The following KCNT2 variants were observed in gnomAD, a reference collection of about 807,000 sequenced individuals.
KCNT2 encodes the protein potassium sodium-activated channel subfamily T member 2.
In KCNT2, 67 loss-of-function variants were observed where a neutral mutation model predicts 153.8. That is an observed-to-expected ratio of 0.44 (90% CI 0.36 to 0.53). The LOEUF is 0.53. Ranked by LOEUF, KCNT2 falls within the 20% of genes least tolerant of loss-of-function variation. The probability of loss-of-function intolerance (pLI) is 0.00; values close to 1 mark genes in which losing one functional copy is unlikely to be tolerated. For missense variants in KCNT2, 975 were observed against 1,354.8 expected (o/e 0.72, Z 4.40); for synonymous variants, 500 against 458.8 (o/e 1.09, Z -1.15).
At chr1:196,303,741 T>A (rs1179529682) in intron 22 of KCNT2, among the ~76,000 whole-genome samples, 1 of 152,126 alleles carries the variant, frequency 6.6e-6, no homozygotes, top group Non-Finnish European at 1.5e-5. Flanking sequence ...ACGAAATAAT[T>A]TATCCAGTTT....
At chr1:196,385,772 A>AAATATAT (rs747480460) in intron 13 of KCNT2, among the ~76,000 whole-genome samples, 10 of 148,530 alleles carry the variant, frequency 6.7e-5, no homozygotes, top group South Asian at 4.2e-4. Flanking sequence ...GCATTAAAAA[A>AAATATAT]ATATATATAT....
intron 8 of KCNT2, among the ~76,000 whole-genome samples, chr1:196,437,284 T>A (rs960712743): frequency 4.5e-4 from 35 of 78,126 alleles, no homozygotes; most frequent in African/African-American, 1.1e-3. Context: ...ATATATAAAA[T>A]ATATATAATA....
chr1:196,351,982 G>T (rs1666747234), intron 14 of KCNT2, among the ~76,000 whole-genome samples: 1 of 151,940 alleles, frequency 6.6e-6, no homozygotes, highest in Admixed American at 6.6e-5. Context: ...TTTGTCTTTG[G>T]TTCTGTTTAT....
intron 14 of KCNT2, among the ~76,000 whole-genome samples, chr1:196,352,539 A>T (rs542021673): frequency 1.3e-5 from 2 of 152,148 alleles, no homozygotes; most frequent in South Asian, 4.2e-4. Flanking sequence ...TTTCTGTGGG[A>T]TCAGTGGTGA....
At chr1:196,580,287 A>G (rs1411000530) in intron 1 of KCNT2, among the ~76,000 whole-genome samples, 1 of 152,182 alleles carries the variant, frequency 6.6e-6, no homozygotes, top group Non-Finnish European at 1.5e-5. Flanking sequence ...GTGATAAACA[A>G]TCCCACAGAA....
chr1:196,356,451 A>G (rs1480844167), intron 14 of KCNT2, among the ~76,000 whole-genome samples: 2 of 151,818 alleles, frequency 1.3e-5, no homozygotes, highest in East Asian at 1.9e-4. Flanking sequence ...TGACCAAACC[A>G]TAATAATGTT....
chr1:196,423,380 A>G (rs1050251026), intron 11 of KCNT2, among the ~76,000 whole-genome samples: 9 of 151,866 alleles, frequency 5.9e-5, no homozygotes, highest in African/African-American at 2.2e-4. Flanking sequence ...TCTTTGTATG[A>G]TTAAATATAT....
At chr1:196,546,175 G>A (rs1329997124) in intron 1 of KCNT2, among the ~76,000 whole-genome samples, 1 of 151,916 alleles carries the variant, frequency 6.6e-6, no homozygotes, top group Non-Finnish European at 1.5e-5. Context: ...CCTCAACAAC[G>A]TTTGTCTATT....
chr1:196,508,189 C>CAAAAAAAAAAAAAAAAAAAAAAAGAAAA (rs1681305658), intron 1 of KCNT2, among the ~76,000 whole-genome samples: 2 of 59,984 alleles, frequency 3.3e-5, no homozygotes, highest in African/African-American at 6.9e-5. Flanking sequence ...CCCTAAGTAG[C>CAAAAAAAAAAAAAAAAAAAAAAAGAAAA]AAAAAAAAAA....
chr1:196,431,495 C>A (rs1026135438), intron 8 of KCNT2, among the ~76,000 whole-genome samples: 17 of 151,990 alleles, frequency 1.1e-4, no homozygotes, highest in Non-Finnish European at 2.1e-4. Context: ...GAAATACCGA[C>A]GGTAACGGCC....
intron 26 of KCNT2, among the ~76,000 whole-genome samples, chr1:196,243,226 C>A (rs1655115567): frequency 6.6e-6 from 1 of 152,138 alleles, no homozygotes; most frequent in African/African-American, 2.4e-5. Flanking sequence ...GCCACTCTAG[C>A]TTTCTTCTTT....
intron 1 of KCNT2, among the ~76,000 whole-genome samples, chr1:196,578,368 G>A (rs1451636449): frequency 1.3e-5 from 2 of 152,200 alleles, no homozygotes; most frequent in African/African-American, 4.8e-5. Context: ...AGCCTTGAAC[G>A]CGGAGAAAGG....
At chr1:196,511,694 T>C (rs967095639) in intron 1 of KCNT2, among the ~76,000 whole-genome samples, 2 of 152,194 alleles carry the variant, frequency 1.3e-5, no homozygotes, top group African/African-American at 4.8e-5. Flanking sequence ...GTCTGGTTAC[T>C]CACTGTGTCC....
chr1:196,408,993 C>A (rs545810500), intron 12 of KCNT2, among the ~76,000 whole-genome samples: 62 of 150,984 alleles, frequency 4.1e-4, no homozygotes, highest in Admixed American at 2.6e-3. Flanking sequence ...GCTTTTTACT[C>A]CTCCTTTCAG....
Position 196,273,496 on chromosome 1 carries a change from A to T in KCNT2, c.2910+7364T>A, listed in dbSNP as rs746025183. On this transcript the variant is annotated intron_variant, in intron 25 of 27. Coordinates refer to ENST00000294725, the MANE Select transcript of KCNT2 (RefSeq NM_198503.5). Reference sequence around the variant, plus strand: ...TGATGCTATTTTTCGAGACTGACACAACGGGAGGGAAAAAGAAACACACAA... The same window carrying T: ...TGATGCTATTTTTCGAGACTGACACTACGGGAGGGAAAAAGAAACACACAA... The T allele has an allele frequency of 2.9e-5, 44 of 1,529,778 alleles. 1 individual carries two copies. The African/African-American group carries it at 5.1e-4, about 18-fold the overall frequency. 94.8% of individuals were successfully genotyped at this position (1,529,778 alleles called of 1,614,324 possible).
At chr1:196,596,714 T>A (rs1475547062) in intron 1 of KCNT2, among the ~76,000 whole-genome samples, 2 of 152,128 alleles carry the variant, frequency 1.3e-5, no homozygotes, top group Non-Finnish European at 2.9e-5. Flanking sequence ...ATTTTTCAAT[T>A]ATTTATTTTG....
At chr1:196,243,210 A>G (rs1470897441) in intron 26 of KCNT2, among the ~76,000 whole-genome samples, 1 of 152,194 alleles carries the variant, frequency 6.6e-6, no homozygotes, top group African/African-American at 2.4e-5. Flanking sequence ...CTTTGATACT[A>G]ATATAGCCAC....
intron 1 of KCNT2, among the ~76,000 whole-genome samples, chr1:196,579,580 T>A (rs1572884594): frequency 6.6e-6 from 1 of 151,790 alleles, no homozygotes; most frequent in South Asian, 2.1e-4. Flanking sequence ...TGCAACCTCC[T>A]CCTCCCGGGT....
At chr1:196,604,463 CAAGT>C (rs528855646) in intron 1 of KCNT2, among the ~76,000 whole-genome samples, 19 of 152,092 alleles carry the variant, frequency 1.2e-4, no homozygotes, top group Non-Finnish European at 2.2e-4. Flanking sequence ...GGATGTCAAA[CAAGT>C]AAGTGTGCAT....
Sources: gnomAD v4.1 joint callset for allele counts (sites outside exome capture counted in the v4.1 genomes callset) on GRCh38, gnomAD v4.1.1 for gene constraint, MANE v1.5 for transcripts, NCBI Gene and HGNC (gene_info 2026-07-23, HGNC 2026-07-21) for gene names.